RGMA: variants seen among roughly 807,000 people sequenced by gnomAD.
RGMA encodes the protein repulsive guidance molecule BMP co-receptor a.
RGMA carries 10 observed loss-of-function variants against 23.2 expected under a neutral mutation model. That is an observed-to-expected ratio of 0.43 (90% confidence interval 0.27 to 0.73). RGMA has a LOEUF of 0.73. Among genes scored for constraint, RGMA ranks in the 30% least tolerant of loss-of-function variants. The pLI, the probability that RGMA is intolerant of heterozygous loss-of-function variation, is 0.20. For synonymous variants in RGMA, 308 were observed against 279.3 expected (o/e 1.10, Z -1.03); for missense variants, 547 against 630.5 (o/e 0.87, Z 1.42).
chr15:93,063,896 G>C (rs754526604), intron 2 of RGMA, among the ~76,000 whole-genome samples: 29 of 152,200 alleles, frequency 1.9e-4, no homozygotes, highest in Non-Finnish European at 2.8e-4. Flanking sequence ...ACGTGAGCAT[G>C]GGCAAAAGTG....
chr15:93,082,029 G>A (rs1407108324), intron 1 of RGMA, among the ~76,000 whole-genome samples: 4 of 152,226 alleles, frequency 2.6e-5, no homozygotes, highest in Admixed American at 6.5e-5. Flanking sequence ...TATTTCATCC[G>A]TAAGATAGGG....
chr15:93,086,170 C>T (rs1032400224), intron 1 of RGMA, among the ~76,000 whole-genome samples: 1 of 152,098 alleles, frequency 6.6e-6, no homozygotes, highest in African/African-American at 2.4e-5. Flanking sequence ...CAAAGCCATT[C>T]CCTAAAAGAG....
chr15:93,043,898 G>A lies in RGMA; in HGVS notation c.*1100C>T, dbSNP rs2054767296. 1 of 152,422 alleles carries A rather than the reference G, an allele frequency of 6.6e-6. No homozygotes were observed. Among genetic ancestry groups the A allele is most frequent in the Non-Finnish European group, 1.5e-5 (1 of 68,206 alleles). The allele number at this position is 152,422 out of a possible 1,614,324, so 9.4% of individuals were successfully genotyped here. On this transcript the variant is annotated 3_prime_UTR_variant, in exon 4 of 4. Coordinates refer to ENST00000329082, the MANE Select transcript of RGMA (RefSeq NM_020211.3). ...AGCAGCACAGGTGGGACTGTTCTGG[G>A]CCCCTGGATGAGCACCCTGGGCTGA...
chr15:93,045,576 G>A lies in RGMA; in HGVS notation c.775C>T (p.Leu259=). The A allele has an allele frequency of 6.2e-7, 1 of 1,613,356 alleles. No individual in the cohort carries two copies. The highest frequency in any genetic ancestry group is 8.5e-7 in the Non-Finnish European group (1 of 1,179,892). The part of the protein sequence containing the change: ...NGGDKHGANS[L]KITEKVSGQH... ...CCTGACACCTTCTCAGTGATCTTCAGGCTGTTGGCCCCGTGCTTGTCCCCA... is the reference window on the plus strand; with the variant it reads ...CCTGACACCTTCTCAGTGATCTTCAAGCTGTTGGCCCCGTGCTTGTCCCCA... Residue 259 remains leucine, a synonymous_variant, in exon 4 of 4, where the codon CTG becomes TTG. Coordinates refer to ENST00000329082, the MANE Select transcript of RGMA (RefSeq NM_020211.3). The surrounding 1 kb of genome is among the most constrained non-coding windows in gnomAD (Gnocchi z 6.9).
intron 2 of RGMA, among the ~76,000 whole-genome samples, chr15:93,058,820 G>C (rs1451372477): frequency 6.6e-6 from 1 of 152,172 alleles, no homozygotes; most frequent in Non-Finnish European, 1.5e-5. Context: ...GGGCCACAAA[G>C]ACGAACGAAG....
chr15:93,069,751 C>A (rs1442277248), intron 2 of RGMA, among the ~76,000 whole-genome samples: 1 of 152,184 alleles, frequency 6.6e-6, no homozygotes, highest in Non-Finnish European at 1.5e-5. Flanking sequence ...AACCAGTTCC[C>A]AAGGAAGGCT....
chr15:93,044,506 G>A lies in RGMA; in HGVS notation c.*492C>T, dbSNP rs1157900231. 1.3e-5 allele frequency: 2 copies of A among 158,624 alleles called. No individual in the cohort carries two copies. Among genetic ancestry groups the A allele is most frequent in the African/African-American group, 2.4e-5 (1 of 41,542 alleles). 9.8% of individuals were successfully genotyped at this position (158,624 alleles called of 1,614,324 possible). A position where few individuals can be genotyped will look rare whatever the true frequency, so the allele number is the denominator to read the frequency against. On this transcript the variant is annotated 3_prime_UTR_variant, in exon 4 of 4. Coordinates refer to ENST00000329082, the MANE Select transcript of RGMA (RefSeq NM_020211.3). ...CTGCCTGGGGCCAAGCCCCAAGGAT[G>A]CCTCCCTGTGTGGCTGGGGTGTCCC...
chr15:93,075,185 T>C (rs1286105379), intron 1 of RGMA, among the ~76,000 whole-genome samples: 1 of 151,490 alleles, frequency 6.6e-6, no homozygotes, highest in Non-Finnish European at 1.5e-5. Flanking sequence ...AGTTTCTCCC[T>C]CCCACGTCAG....
chr15:93,044,574 G>A lies in RGMA; in HGVS notation c.*424C>T, dbSNP rs2054781587. 2 of 244,408 alleles carry A rather than the reference G, an allele frequency of 8.2e-6. No homozygotes were observed. The highest frequency in any genetic ancestry group is 1.6e-5 in the Non-Finnish European group (2 of 124,452). The allele number at this position is 244,408 out of a possible 1,614,324, so 15.1% of individuals were successfully genotyped here. A position where few individuals can be genotyped will look rare whatever the true frequency, so the allele number is the denominator to read the frequency against. ...CGAGTGTGCTCTCGTGTAAGAGTGT[G>A]TGCGTGCGTGTGGCGGGCACAGGGG... On this transcript the variant is annotated 3_prime_UTR_variant, in exon 4 of 4. Transcript: ENST00000329082.
rs1000949953 is a variant in RGMA at position 93,040,864 on chromosome 15, G to A, written c.*4134C>T. On this transcript the variant is annotated 3_prime_UTR_variant, in exon 4 of 4. Coordinates refer to ENST00000329082, the MANE Select transcript of RGMA (RefSeq NM_020211.3). ...CATGCGTGGTGCCAGGGCCATGTGC[G>A]AGGCCATTGACGAGTGTTAGCTCAC... 2 of 152,214 alleles carry A rather than the reference G, an allele frequency of 1.3e-5. No homozygotes were observed. The highest frequency in any genetic ancestry group is 2.9e-5 in the Non-Finnish European group (2 of 68,060). 9.4% of individuals were successfully genotyped at this position (152,214 alleles called of 1,614,324 possible). A position where few individuals can be genotyped will look rare whatever the true frequency, so the allele number is the denominator to read the frequency against.
intron 2 of RGMA, among the ~76,000 whole-genome samples, chr15:93,055,046 G>A (rs2054991580): frequency 6.6e-6 from 1 of 152,140 alleles, no homozygotes; most frequent in Admixed American, 6.5e-5. Context: ...GACTGGCGCG[G>A]TGGCCTACAC....
At chr15:93,055,954 G>A (rs989547596) in intron 2 of RGMA, among the ~76,000 whole-genome samples, 1 of 152,224 alleles carries the variant, frequency 6.6e-6, no homozygotes, top group Non-Finnish European at 1.5e-5. Context: ...GGCAGTTCAT[G>A]ACAGAAATCC....
intron 2 of RGMA, among the ~76,000 whole-genome samples, chr15:93,063,398 G>A (rs1162962235): frequency 1.3e-5 from 2 of 152,244 alleles, no homozygotes; most frequent in Admixed American, 6.5e-5. Flanking sequence ...TTGTGCCTCA[G>A]TGCTGGATCT....
chr15:93,056,024 G>A (rs934591441), intron 2 of RGMA, among the ~76,000 whole-genome samples: 5 of 152,214 alleles, frequency 3.3e-5, no homozygotes, highest in African/African-American at 1.2e-4. Context: ...GTGGGATCTG[G>A]TAGCCCCAGA....
chr15:93,088,978 G>A lies in RGMA; in HGVS notation c.-46C>T. On this transcript the variant is annotated 5_prime_UTR_variant, in exon 1 of 4. Transcript: ENST00000329082. Reference sequence around the variant, plus strand: ...GGGTGGCGCTGGCGGGGCTGCGGGAGAAGAGGGGGTGTCGGGGCGCCGCTC... The same window carrying A: ...GGGTGGCGCTGGCGGGGCTGCGGGAAAAGAGGGGGTGTCGGGGCGCCGCTC... The A allele has an allele frequency of 2.3e-6, 3 of 1,322,544 alleles. No individual in the cohort carries two copies. Among genetic ancestry groups the A allele is most frequent in the African/African-American group, 3.1e-5 (2 of 64,470 alleles). The allele number at this position is 1,322,544 out of a possible 1,614,324, so 81.9% of individuals were successfully genotyped here.
At chr15:93,087,950 G>C (rs751661429) in intron 1 of RGMA, among the ~76,000 whole-genome samples, 4 of 152,070 alleles carry the variant, frequency 2.6e-5, no homozygotes, top group Non-Finnish European at 4.4e-5. Flanking sequence ...TCTCCACCTT[G>C]TGCGGGAGAC....
At position 93,038,566 on chromosome 15, in the gene RGMA, G is replaced by GTTTTTTTTTTTTTTTTTTTTTTTTTTTTT. The variant is rs1178389064; in HGVS notation, c.*6431_*6432insAAAAAAAAAAAAAAAAAAAAAAAAAAAAA. 2 of 84,492 alleles carry GTTTTTTTTTTTTTTTTTTTTTTTTTTTTT rather than the reference G, an allele frequency of 2.4e-5. No individual in the cohort carries two copies. The highest frequency in any genetic ancestry group is 5.8e-5 in the Non-Finnish European group (2 of 34,360). 5.2% of individuals were successfully genotyped at this position (84,492 alleles called of 1,614,324 possible). A position where few individuals can be genotyped will look rare whatever the true frequency, so the allele number is the denominator to read the frequency against. On this transcript the variant is annotated 3_prime_UTR_variant, in exon 4 of 4. Transcript: ENST00000329082. ...ATTGCCTTAATGAACGAAACTGTTA[G>GTTTTTTTTTTTTTTTTTTTTTTTTTTTTT]TTGTTTTTTTTTTTTTTTTGAGACG...
chr15:93,058,773 C>T (rs1175422276), intron 2 of RGMA, among the ~76,000 whole-genome samples: 1 of 150,586 alleles, frequency 6.6e-6, no homozygotes, highest in Admixed American at 6.6e-5. Flanking sequence ...TCTCGGATTT[C>T]CACACGCTCC....
chr15:93,043,605 A>G lies in RGMA; in HGVS notation c.*1393T>C, dbSNP rs904238000. On this transcript the variant is annotated 3_prime_UTR_variant, in exon 4 of 4. Transcript: ENST00000329082. ...TTTACTTCCAACATAGGGACCAACT[A>G]AAACCAGCAGGGAGAGGGAGGGGCC... is the stretch of plus-strand genomic sequence containing the variant. 1 of 152,420 alleles carries G rather than the reference A, an allele frequency of 6.6e-6. No individual in the cohort carries two copies. Among genetic ancestry groups the G allele is most frequent in the African/African-American group, 2.4e-5 (1 of 41,458 alleles). The allele number at this position is 152,420 out of a possible 1,614,324, so 9.4% of individuals were successfully genotyped here. A position where few individuals can be genotyped will look rare whatever the true frequency, so the allele number is the denominator to read the frequency against.
Sources: gnomAD v4.1 joint callset for allele counts (sites outside exome capture counted in the v4.1 genomes callset) on GRCh38, gnomAD v4.1.1 for gene constraint, Gnocchi (gnomAD v3.1) non-coding constraint, MANE v1.5 for transcripts, NCBI Gene and HGNC (gene_info 2026-07-23, HGNC 2026-07-21) for gene names.